The following SEMA5A variants were observed in gnomAD, a reference collection of about 807,000 sequenced individuals.
SEMA5A encodes the protein semaphorin 5A.
In SEMA5A, 55 loss-of-function variants were observed where a neutral mutation model predicts 135.5. The ratio of observed to expected loss-of-function variants is 0.41; its 90% CI spans 0.33 to 0.51. SEMA5A has a LOEUF of 0.51. Ranked by LOEUF, SEMA5A falls within the 20% of genes least tolerant of loss-of-function variation. SEMA5A has a pLI of 0.37. For missense variants in SEMA5A, 1,290 were observed against 1,419.9 expected (o/e 0.91, Z 1.47); for synonymous variants, 580 against 546.5 (o/e 1.06, Z -0.85).
At chr5:9,159,121 T>C (rs1449594931) in intron 11 of SEMA5A, among the ~76,000 whole-genome samples, 2 of 152,236 alleles carry the variant, frequency 1.3e-5, no homozygotes, top group Non-Finnish European at 2.9e-5. Flanking sequence ...CTAGTGAAGA[T>C]ATGTTGGATA....
At chr5:9,510,177 C>T (rs1294988585) in intron 1 of SEMA5A, among the ~76,000 whole-genome samples, 4 of 152,172 alleles carry the variant, frequency 2.6e-5, no homozygotes, top group Non-Finnish European at 5.9e-5. Context: ...ACGCCCAGCC[C>T]AGAAGTCTCA....
chr5:9,246,132 T>G (rs1453650334), intron 5 of SEMA5A, among the ~76,000 whole-genome samples: 1 of 152,150 alleles, frequency 6.6e-6, no homozygotes, highest in African/African-American at 2.4e-5. Context: ...CCTTACTTCT[T>G]GGTTGCAGGG....
chr5:9,139,526 T>C (rs1470856119), intron 12 of SEMA5A, among the ~76,000 whole-genome samples: 3 of 152,252 alleles, frequency 2.0e-5, no homozygotes, highest in Non-Finnish European at 4.4e-5. Context: ...TTAGCATAGA[T>C]GAATATACTT....
chr5:9,204,034 T>C lies in SEMA5A; in HGVS notation c.647-1794A>G, dbSNP rs899724751. ...AAGTCTCCAAAACAGAATTACCTGA[T>C]GAAGCAGGCCCCAAAAGCAAAGATA... On this transcript the variant is annotated intron_variant, in intron 8 of 22. Coordinates refer to ENST00000382496, the MANE Select transcript of SEMA5A (RefSeq NM_003966.3). This position sits in a 1 kb window ranked among gnomAD's most constrained non-coding sequence, Gnocchi z 6.4. 1.3e-5 allele frequency among the ~76,000 whole-genome samples: 2 copies of C among 152,152 alleles called. No homozygotes were observed. The highest frequency in any genetic ancestry group is 2.9e-5 in the Non-Finnish European group (2 of 68,034).
intron 1 of SEMA5A, among the ~76,000 whole-genome samples, chr5:9,439,313 A>C (rs964075893): frequency 1.3e-5 from 2 of 152,250 alleles, no homozygotes; most frequent in African/African-American, 4.8e-5. Flanking sequence ...AAAATATGTT[A>C]GTTGAAACTC....
intron 5 of SEMA5A, among the ~76,000 whole-genome samples, chr5:9,254,213 T>TA (rs1244727080): frequency 6.6e-6 from 1 of 152,198 alleles, no homozygotes; most frequent in East Asian, 1.9e-4. Context: ...TGAGCTTTTC[T>TA]AAAGCCTGCT....
chr5:9,207,225 G>A (rs1561021838), intron 8 of SEMA5A, among the ~76,000 whole-genome samples: 2 of 150,740 alleles, frequency 1.3e-5, no homozygotes, highest in African/African-American at 4.9e-5. Context: ...CTCTCTTGTT[G>A]CCCAGGCTGG....
At chr5:9,309,209 G>A (rs1752009241) in intron 5 of SEMA5A, among the ~76,000 whole-genome samples, 1 of 152,112 alleles carries the variant, frequency 6.6e-6, no homozygotes. Context: ...CTTGCTCAAA[G>A]TATTCCTGCT....
intron 9 of SEMA5A, among the ~76,000 whole-genome samples, chr5:9,197,893 G>T (rs1416243594): frequency 6.6e-6 from 1 of 151,976 alleles, no homozygotes; most frequent in African/African-American, 2.4e-5. Flanking sequence ...ATGTAAAGTA[G>T]ATTTTAAATT....
At chr5:9,356,563 G>T (rs1754458183) in intron 3 of SEMA5A, among the ~76,000 whole-genome samples, 1 of 152,202 alleles carries the variant, frequency 6.6e-6, no homozygotes, top group African/African-American at 2.4e-5. Context: ...AAAGGGACTT[G>T]TGTTTAATCA....
At chr5:9,389,518 A>C (rs556128346) in intron 2 of SEMA5A, among the ~76,000 whole-genome samples, 19 of 152,262 alleles carry the variant, frequency 1.2e-4, no homozygotes, top group Middle Eastern at 3.4e-3. Context: ...CATCACTCAG[A>C]CAGCCAACTC....
chr5:9,077,077 G>A (rs1357329265), intron 16 of SEMA5A, among the ~76,000 whole-genome samples: 1 of 152,114 alleles, frequency 6.6e-6, no homozygotes, highest in Admixed American at 6.5e-5. Flanking sequence ...GGGTAACTTA[G>A]GAGAACTTGG....
intron 8 of SEMA5A, among the ~76,000 whole-genome samples, chr5:9,221,512 C>T (rs529574712): frequency 6.6e-6 from 1 of 151,752 alleles, no homozygotes; most frequent in South Asian, 2.1e-4. Context: ...CAGTGTTAGC[C>T]AGGATGGTCT....
At chr5:9,061,331 C>T (rs529471650) in intron 18 of SEMA5A, among the ~76,000 whole-genome samples, 1 of 152,310 alleles carries the variant, frequency 6.6e-6, no homozygotes, top group Admixed American at 6.5e-5. Flanking sequence ...TTTGTTTCCT[C>T]ATTATTAAAA....
intron 8 of SEMA5A, among the ~76,000 whole-genome samples, chr5:9,217,407 C>T (rs533679531): frequency 6.6e-6 from 1 of 152,280 alleles, no homozygotes; most frequent in South Asian, 2.1e-4. Flanking sequence ...TCTTTTCTCT[C>T]TAGCTGCCAT....
In SEMA5A at chr5:9,545,439, GCCTGCTGATGGATC is replaced by G. The variant is rs1026926829; in HGVS notation, c.-175+131_-175+144del. On this transcript the variant is annotated intron_variant, in intron 1 of 22. Coordinates refer to ENST00000382496, the MANE Select transcript of SEMA5A (RefSeq NM_003966.3). This position sits in a 1 kb window ranked among gnomAD's most constrained non-coding sequence, Gnocchi z 4.5. Reference sequence around the variant, plus strand: ...CTGTACGCGCAACCCCCGCCCAGGTGCCTGCTGATGGATCCCACCCGAGATCGGCACCACCCACC... The same window carrying G: ...CTGTACGCGCAACCCCCGCCCAGGTGCCACCCGAGATCGGCACCACCCACC... 1 of 152,136 alleles carries G rather than the reference GCCTGCTGATGGATC, an allele frequency of 6.6e-6. No individual in the cohort carries two copies. Among genetic ancestry groups the G allele is most frequent in the Non-Finnish European group, 1.5e-5 (1 of 68,082 alleles). The allele number at this position is 152,136 out of a possible 1,614,324, so 9.4% of individuals were successfully genotyped here.
At chr5:9,211,188 A>G (rs779733699) in intron 8 of SEMA5A, among the ~76,000 whole-genome samples, 2 of 152,198 alleles carry the variant, frequency 1.3e-5, no homozygotes, top group Non-Finnish European at 2.9e-5. Flanking sequence ...TGAATAAGAT[A>G]TCAGCCTTGG....
intron 12 of SEMA5A, among the ~76,000 whole-genome samples, chr5:9,144,604 G>A (rs1011844724): frequency 6.6e-6 from 1 of 152,156 alleles, no homozygotes; most frequent in African/African-American, 2.4e-5. Flanking sequence ...CTGGGCAGCC[G>A]GTGACAGTGG....
At chr5:9,298,934 G>T (rs1751469734) in intron 5 of SEMA5A, among the ~76,000 whole-genome samples, 1 of 152,166 alleles carries the variant, frequency 6.6e-6, no homozygotes, top group African/African-American at 2.4e-5. Context: ...CTGTTGAAGA[G>T]AAGTAATCAG....
Sources: gnomAD v4.1 joint callset for allele counts (sites outside exome capture counted in the v4.1 genomes callset) on GRCh38, gnomAD v4.1.1 for gene constraint, Gnocchi (gnomAD v3.1) non-coding constraint, MANE v1.5 for transcripts, NCBI Gene and HGNC (gene_info 2026-07-23, HGNC 2026-07-21) for gene names.